The following ADORA2B variants were observed in gnomAD, a reference collection of about 807,000 sequenced individuals.
ADORA2B encodes the protein adenosine A2b receptor.
ADORA2B carries 18 observed loss-of-function variants against 20.8 expected under a neutral mutation model. That is an observed-to-expected ratio of 0.87 (90% confidence interval 0.60 to 1.29). The LOEUF (loss-of-function observed/expected upper bound fraction) is 1.29. Ranked by LOEUF, ADORA2B falls within the 50% of genes most tolerant of loss-of-function variation. The pLI, the probability that ADORA2B is intolerant of heterozygous loss-of-function variation, is 0.00. For missense variants in ADORA2B, 441 were observed against 422.7 expected (o/e 1.04, Z -0.38); for synonymous variants, 179 against 178.3 (o/e 1.00, Z -0.03).
At chr17:15,866,934 G>A in the ADORA2B span, among the ~76,000 whole-genome samples, 6 of 152,342 alleles carry the variant, frequency 3.9e-5, no homozygotes, top group Admixed American at 6.5e-5. Flanking sequence ...GCAGGCGCGC[G>A]CCGCCACGCC....
At chr17:15,882,055 C>T in the ADORA2B span, among the ~76,000 whole-genome samples, 969 of 152,264 alleles carry the variant, frequency 6.4e-3, 14 homozygotes, top group African/African-American at 0.022. Flanking sequence ...ACCTGAAATA[C>T]GGGAAGATTA....
the ADORA2B span, among the ~76,000 whole-genome samples, chr17:15,899,968 A>C: frequency 2.6e-5 from 4 of 151,606 alleles, no homozygotes; most frequent in Admixed American, 6.6e-5. Context: ...AGTAGCTGGG[A>C]TTACAGGCAC....
chr17:15,921,925 T>A, the ADORA2B span, among the ~76,000 whole-genome samples: 2 of 152,198 alleles, frequency 1.3e-5, no homozygotes, highest in Non-Finnish European at 2.9e-5. Flanking sequence ...TGTGACACTT[T>A]CTGTTATATT....
chr17:15,874,066 G>A, the ADORA2B span, among the ~76,000 whole-genome samples: 4,605 of 139,292 alleles, frequency 0.033, 316 homozygotes, highest in African/African-American at 0.13. Context: ...ATATGTGTGT[G>A]TGTATATATA....
chr17:15,929,170 C>T, the ADORA2B span, among the ~76,000 whole-genome samples: 1 of 152,056 alleles, frequency 6.6e-6, no homozygotes, highest in Non-Finnish European at 1.5e-5. Context: ...TATGATGACA[C>T]CGTGAGTTGA....
chr17:15,855,679 C>G, the ADORA2B span, among the ~76,000 whole-genome samples: 1 of 151,534 alleles, frequency 6.6e-6, no homozygotes, highest in African/African-American at 2.4e-5. Flanking sequence ...CAGCAGATCT[C>G]CAGAAACTTT....
chr17:15,876,554 G>A, the ADORA2B span, among the ~76,000 whole-genome samples: 1 of 140,026 alleles, frequency 7.1e-6, no homozygotes, highest in Non-Finnish European at 1.5e-5. Flanking sequence ...CTTCTACTCT[G>A]TTTTCTTTTT....
chr17:15,944,548 G>C (rs1417653898), upstream of ADORA2B, among the ~76,000 whole-genome samples: 2 of 152,160 alleles, frequency 1.3e-5, no homozygotes, highest in Non-Finnish European at 2.9e-5. This position sits in a 1 kb window ranked among gnomAD's most constrained non-coding sequence, Gnocchi z 4.8. Flanking sequence ...ACAGCGCTGA[G>C]CCTCGCTGGG....
the ADORA2B span, among the ~76,000 whole-genome samples, chr17:15,863,033 A>G: frequency 3.3e-5 from 5 of 152,166 alleles, no homozygotes; most frequent in African/African-American, 1.2e-4. Context: ...AGATGAAGTC[A>G]TATATTTTAG....
At chr17:15,906,635 A>T in the ADORA2B span, among the ~76,000 whole-genome samples, 1 of 152,206 alleles carries the variant, frequency 6.6e-6, no homozygotes, top group Admixed American at 6.5e-5. Flanking sequence ...GAAGTATTCC[A>T]TCCTCTTCCA....
chr17:15,929,200 C>T, the ADORA2B span, among the ~76,000 whole-genome samples: 1 of 152,048 alleles, frequency 6.6e-6, no homozygotes, highest in African/African-American at 2.4e-5. Flanking sequence ...TTCCCAGTGG[C>T]CTACTGACAA....
chr17:15,891,200 A>G, the ADORA2B span, among the ~76,000 whole-genome samples: 4 of 152,194 alleles, frequency 2.6e-5, no homozygotes, highest in Non-Finnish European at 4.4e-5. Flanking sequence ...TGGGAGGTAG[A>G]GGTTTCAGTG....
At chr17:15,943,076 G>A (rs982765508), upstream of ADORA2B, among the ~76,000 whole-genome samples, 2 of 152,226 alleles carry the variant, frequency 1.3e-5, no homozygotes, top group Admixed American at 6.5e-5. Flanking sequence ...GATTGGTGGA[G>A]CAGGTGATTC....
rs11458137 is a variant in ADORA2B, at chr17:15,969,294, C to CA, written c.336-5378dup. On this transcript the variant is annotated intron_variant, in intron 1 of 1. Coordinates refer to ENST00000304222, the MANE Select transcript of ADORA2B (RefSeq NM_000676.4). Reference sequence around the variant, plus strand: ...TGAAAACCCATCTCTACTAAAAATACAAAAAAAGAAATAGCCGGGTGTGGT... The same window carrying CA: ...TGAAAACCCATCTCTACTAAAAATACAAAAAAAAGAAATAGCCGGGTGTGGT... Among the ~76,000 whole-genome samples, 1,445 of 151,912 alleles carry CA rather than the reference C, an allele frequency of 9.5e-3. 27 individuals are homozygous for CA. The highest frequency in any genetic ancestry group is 0.032 in the African/African-American group (1,344 of 41,440).
At chr17:15,907,236 A>G in the ADORA2B span, among the ~76,000 whole-genome samples, 4 of 151,238 alleles carry the variant, frequency 2.6e-5, no homozygotes, top group Non-Finnish European at 4.4e-5. Context: ...TAATTGTTCT[A>G]GGTGTACCTG....
At chr17:15,900,615 T>TA in the ADORA2B span, among the ~76,000 whole-genome samples, 1 of 151,872 alleles carries the variant, frequency 6.6e-6, no homozygotes, top group African/African-American at 2.4e-5. Flanking sequence ...CCCAGCTAAT[T>TA]AAAAAAATTT....
chr17:15,880,877 C>T, the ADORA2B span, among the ~76,000 whole-genome samples: 5 of 152,214 alleles, frequency 3.3e-5, no homozygotes, highest in African/African-American at 7.2e-5. Flanking sequence ...ACCCTTCATC[C>T]TAATTGGGCA....
At chr17:15,967,009 G>GC (rs1337505288) in intron 1 of ADORA2B, among the ~76,000 whole-genome samples, 1 of 152,216 alleles carries the variant, frequency 6.6e-6, no homozygotes, top group African/African-American at 2.4e-5. Flanking sequence ...ATGGACAAAC[G>GC]CATGCAGACC....
At chr17:15,872,783 T>C in the ADORA2B span, among the ~76,000 whole-genome samples, 1 of 152,258 alleles carries the variant, frequency 6.6e-6, no homozygotes, top group South Asian at 2.1e-4. Context: ...TATTTGTTTA[T>C]GAAATCTAAG....
Sources: gnomAD v4.1 joint callset for allele counts (sites outside exome capture counted in the v4.1 genomes callset) on GRCh38, gnomAD v4.1.1 for gene constraint, Gnocchi (gnomAD v3.1) non-coding constraint, MANE v1.5 for transcripts, NCBI Gene and HGNC (gene_info 2026-07-23, HGNC 2026-07-21) for gene names.